Variants in GRIK2 observed in about 807,000 individuals in gnomAD.
The protein encoded by GRIK2 is glutamate ionotropic receptor kainate type subunit 2, also known as glutamate receptor ionotropic, kainate 2.
In GRIK2, 32 loss-of-function variants were observed where a neutral mutation model predicts 100.3. That is an observed-to-expected ratio of 0.32 (90% CI 0.24 to 0.43). GRIK2 has a LOEUF of 0.43. GRIK2 is among the 20% of genes least tolerant of loss of function. The probability of loss-of-function intolerance (pLI) is 1.00; values close to 1 mark genes in which losing one functional copy is unlikely to be tolerated. For synonymous variants in GRIK2, 417 were observed against 389.4 expected (o/e 1.07, Z -0.83); for missense variants, 843 against 1,114.9 (o/e 0.76, Z 3.47).
intron 14 of GRIK2, among the ~76,000 whole-genome samples, chr6:102,008,716 A>G (rs1795369650): frequency 6.6e-6 from 1 of 152,102 alleles, no homozygotes; most frequent in Non-Finnish European, 1.5e-5. Flanking sequence ...ATGATTCCTA[A>G]TGAATCCATA....
intron 7 of GRIK2, among the ~76,000 whole-genome samples, chr6:101,770,472 A>G (rs1340114754): frequency 1.3e-5 from 2 of 152,162 alleles, no homozygotes; most frequent in Non-Finnish European, 2.9e-5. Context: ...ATTCAGTGCA[A>G]AAAAATTGTT....
At chr6:101,666,249 C>T (rs1031473398) in intron 4 of GRIK2, among the ~76,000 whole-genome samples, 9 of 152,144 alleles carry the variant, frequency 5.9e-5, no homozygotes, top group African/African-American at 2.2e-4. Flanking sequence ...AGGAGAGGTC[C>T]GTGCCCAGAC....
At chr6:101,713,591 T>C (rs1179926477) in intron 7 of GRIK2, among the ~76,000 whole-genome samples, 2 of 151,858 alleles carry the variant, frequency 1.3e-5, no homozygotes, top group Admixed American at 6.6e-5. Context: ...TTTCTCTTTA[T>C]TGAAGAAGCT....
chr6:101,998,044 T>C (rs1794740766), intron 14 of GRIK2, among the ~76,000 whole-genome samples: 1 of 152,106 alleles, frequency 6.6e-6, no homozygotes, highest in African/African-American at 2.4e-5. Flanking sequence ...GTGAAGATAG[T>C]GAGCATATCT....
intron 2 of GRIK2, among the ~76,000 whole-genome samples, chr6:101,422,397 C>G (rs1776452127): frequency 6.6e-6 from 1 of 152,066 alleles, no homozygotes; most frequent in African/African-American, 2.4e-5. Context: ...AGAGTAGGCT[C>G]AAGTATTACA....
At chr6:101,755,335 T>C (rs963583568) in intron 7 of GRIK2, among the ~76,000 whole-genome samples, 1 of 151,832 alleles carries the variant, frequency 6.6e-6, no homozygotes, top group African/African-American at 2.4e-5. Context: ...CCCAGCTGAT[T>C]TTTTGTATTT....
At chr6:101,608,788 T>G (rs971512413) in intron 2 of GRIK2, among the ~76,000 whole-genome samples, 16 of 111,464 alleles carry the variant, frequency 1.4e-4, no homozygotes, top group African/African-American at 6.1e-4. Context: ...TAGAGGGGTG[T>G]GTGTGTGTGT....
intron 14 of GRIK2, among the ~76,000 whole-genome samples, chr6:101,950,990 T>C (rs951885461): frequency 5.9e-5 from 9 of 152,288 alleles, no homozygotes; most frequent in African/African-American, 1.9e-4. Flanking sequence ...TTAAGCGTCA[T>C]TGTAGTTAAG....
chr6:101,982,907 T>TA (rs1451327750), intron 14 of GRIK2, among the ~76,000 whole-genome samples: 2 of 151,694 alleles, frequency 1.3e-5, no homozygotes, highest in Non-Finnish European at 2.9e-5. Flanking sequence ...TCCACAAAGG[T>TA]AAATCAGCTT....
intron 15 of GRIK2, among the ~76,000 whole-genome samples, chr6:102,036,230 A>AAC (rs775417100): frequency 0.14 from 20,597 of 146,150 alleles, 1,547 homozygotes; most frequent in African/African-American, 0.21. Context: ...GCCGTAAGTA[A>AAC]ACACACACAC....
intron 2 of GRIK2, among the ~76,000 whole-genome samples, chr6:101,511,169 T>A (rs1774295086): frequency 6.6e-6 from 1 of 152,202 alleles, no homozygotes; most frequent in African/African-American, 2.4e-5. Flanking sequence ...TTTAGGAATT[T>A]ATCCTTGGAA....
intron 14 of GRIK2, among the ~76,000 whole-genome samples, chr6:101,943,425 C>T (rs890023255): frequency 4.6e-5 from 7 of 152,160 alleles, no homozygotes; most frequent in African/African-American, 1.7e-4. Flanking sequence ...GGCCACTGTC[C>T]TCCAGACTCT....
At chr6:101,946,333 T>C (rs988067066) in intron 14 of GRIK2, among the ~76,000 whole-genome samples, 6 of 151,884 alleles carry the variant, frequency 4.0e-5, no homozygotes, top group African/African-American at 1.2e-4. Context: ...CTTCAGAAGA[T>C]TTTCTAAGCC....
chr6:101,508,435 T>C (rs1029200493), intron 2 of GRIK2, among the ~76,000 whole-genome samples: 1 of 149,770 alleles, frequency 6.7e-6, no homozygotes. Flanking sequence ...AAGTCATCCC[T>C]CAATATTATT....
chr6:101,455,476 C>T (rs1370452161), intron 2 of GRIK2, among the ~76,000 whole-genome samples: 1 of 151,852 alleles, frequency 6.6e-6, no homozygotes, highest in African/African-American at 2.4e-5. Context: ...CTGAATTGTT[C>T]CTATCACCCT....
At chr6:101,847,755 A>G (rs1783893982) in intron 10 of GRIK2, among the ~76,000 whole-genome samples, 1 of 152,034 alleles carries the variant, frequency 6.6e-6, no homozygotes, top group African/African-American at 2.4e-5. Context: ...TTCTGAGCAT[A>G]CATCCCCCAC....
At chr6:101,882,445 TTC>T (rs1375558602) in intron 11 of GRIK2, among the ~76,000 whole-genome samples, 1 of 152,174 alleles carries the variant, frequency 6.6e-6, no homozygotes, top group Admixed American at 6.6e-5. Flanking sequence ...AAGTTTATTT[TTC>T]ATTGTCATTA....
At chr6:101,920,281 C>T (rs890867126) in intron 12 of GRIK2, among the ~76,000 whole-genome samples, 7 of 151,850 alleles carry the variant, frequency 4.6e-5, no homozygotes, top group East Asian at 1.9e-4. Context: ...CATCCCCAAT[C>T]GAGAGAACAG....
chr6:101,519,300 C>CGT (rs55646921), intron 2 of GRIK2, among the ~76,000 whole-genome samples: 10,353 of 140,902 alleles, frequency 0.073, 361 homozygotes, highest in Middle Eastern at 0.096. Flanking sequence ...CGGAGTTAAA[C>CGT]GTGTGTGTGT....
Sources: allele counts gnomAD v4.1 joint callset (sites outside exome capture counted in the v4.1 genomes callset), GRCh38; gene constraint gnomAD v4.1.1; transcripts MANE v1.5; gene names NCBI Gene and HGNC (gene_info 2026-07-23, HGNC 2026-07-21).